The following ELFN2 variants were observed in gnomAD, a reference collection of about 807,000 sequenced individuals.
ELFN2 encodes extracellular leucine rich repeat and fibronectin type III domain containing 2.
ELFN2 carries 17 observed loss-of-function variants against 45.5 expected under a neutral mutation model. The observed-to-expected ratio is 0.37, with a 90% CI of 0.26 to 0.56. The LOEUF is 0.56. ELFN2 is among the 20% of genes least tolerant of loss of function. ELFN2 has a pLI of 0.77. For missense variants in ELFN2, 922 were observed against 1,183.2 expected (o/e 0.78, Z 3.24); for synonymous variants, 550 against 551.5 (o/e 1.00, Z 0.04).
intron 2 of ELFN2, among the ~76,000 whole-genome samples, chr22:37,378,152 C>T (rs375624460): frequency 4.6e-5 from 7 of 152,182 alleles, no homozygotes; most frequent in Admixed American, 1.3e-4. Flanking sequence ...CAAGGATGGG[C>T]GGGCAGGCGC....
At chr22:37,355,972 CA>C (rs1930939479) in intron 1 of ELFN2, among the ~76,000 whole-genome samples, 1 of 152,222 alleles carries the variant, frequency 6.6e-6, no homozygotes, top group Non-Finnish European at 1.5e-5. Context: ...TGTGTTTCAT[CA>C]GGGGGTTGTC....
At position 37,392,056 on chromosome 22, in the gene ELFN2, G is replaced by A. The variant is rs146576847; in HGVS notation, c.-462-16060C>T. On this transcript the variant is annotated intron_variant, in intron 2 of 2. Transcript: ENST00000402918. ...GCAACTCCCCTTTAAAAACTGTAAA[G>A]TGCCATTCATCTTTGTTCTTCCTTC... Among the ~76,000 whole-genome samples, 177 of 152,364 alleles carry A rather than the reference G, an allele frequency of 1.2e-3. 1 individual carries two copies. The highest frequency in any genetic ancestry group is 4.1e-3 in the African/African-American group (172 of 41,582).
At chr22:37,424,353 C>A (rs755200053) in intron 1 of ELFN2, among the ~76,000 whole-genome samples, 5 of 152,180 alleles carry the variant, frequency 3.3e-5, no homozygotes, top group African/African-American at 4.8e-5. Flanking sequence ...CAAAAACAAG[C>A]ATCCTACAAG....
intron 1 of ELFN2, among the ~76,000 whole-genome samples, chr22:37,358,449 C>T (rs1469785324): frequency 6.6e-6 from 1 of 152,260 alleles, no homozygotes; most frequent in Admixed American, 6.5e-5. Context: ...GATTTGTTCT[C>T]TTTCCACTTG....
chr22:37,362,993 G>T (rs1292661590), downstream of ELFN2, among the ~76,000 whole-genome samples: 1 of 152,186 alleles, frequency 6.6e-6, no homozygotes, highest in Admixed American at 6.5e-5. Context: ...TGCAGCTGCT[G>T]TGATCCTGGC....
Position 37,371,362 on chromosome 22 carries a change from G to A in ELFN2, c.*1710C>T, listed in dbSNP as rs1322897963. On this transcript the variant is annotated 3_prime_UTR_variant, in exon 3 of 3. Coordinates refer to ENST00000402918, the MANE Select transcript of ELFN2 (RefSeq NM_052906.5). This position sits in a 1 kb window ranked among gnomAD's most constrained non-coding sequence, Gnocchi z 6.4. ...CACAGGCCCTAGACTGGGGGTCTCTGGCAGGGGCGTGGGGAGAGCCGGGGC... is the reference window on the plus strand; with the variant it reads ...CACAGGCCCTAGACTGGGGGTCTCTAGCAGGGGCGTGGGGAGAGCCGGGGC... 1.3e-5 allele frequency: 2 copies of A among 152,302 alleles called. No individual in the cohort carries two copies. Among genetic ancestry groups the A allele is most frequent in the Non-Finnish European group, 2.9e-5 (2 of 68,090 alleles). 9.4% of individuals were successfully genotyped at this position (152,302 alleles called of 1,614,324 possible). A position where few individuals can be genotyped will look rare whatever the true frequency, so the allele number is the denominator to read the frequency against.
chr22:37,346,536 C>G (rs1232776235), intron 1 of ELFN2, among the ~76,000 whole-genome samples: 1 of 152,142 alleles, frequency 6.6e-6, no homozygotes, highest in Non-Finnish European at 1.5e-5. Flanking sequence ...GATTTCCAAG[C>G]AGTTTGGAGA....
rs73408382 is a variant in ELFN2 at position 37,344,866 on chromosome 22, G to A, written n.149-2163C>T. Among the ~76,000 whole-genome samples, 401 of 152,234 alleles carry A rather than the reference G, an allele frequency of 2.6e-3. 3 individuals are homozygous for A. Among genetic ancestry groups the A allele is most frequent in the African/African-American group, 9.0e-3 (375 of 41,554 alleles). On this transcript the variant is annotated intron_variant and non_coding_transcript_variant, in intron 1 of 2. Transcript: ENST00000452946. ...AGGTGCGCAGGGGGCGCTGAGGGGC[G>A]AGCTCCCCCAATGGGCATCATCATC...
At chr22:37,425,678 T>C (rs1226400585) in intron 1 of ELFN2, among the ~76,000 whole-genome samples, 1 of 152,118 alleles carries the variant, frequency 6.6e-6, no homozygotes, top group African/African-American at 2.4e-5. Context: ...TGCCTAGGCG[T>C]TGATGGCCCA....
At chr22:37,357,505 T>C (rs1358124349) in intron 1 of ELFN2, among the ~76,000 whole-genome samples, 2 of 152,206 alleles carry the variant, frequency 1.3e-5, no homozygotes, top group Non-Finnish European at 2.9e-5. Flanking sequence ...CTGATCATCC[T>C]TTTCTTACTG....
intron 2 of ELFN2, among the ~76,000 whole-genome samples, chr22:37,392,107 G>A (rs1041811309): frequency 3.9e-5 from 6 of 152,070 alleles, no homozygotes; most frequent in Non-Finnish European, 7.4e-5. Context: ...CAGAAGCACC[G>A]TCCATCTTAA....
downstream of ELFN2, among the ~76,000 whole-genome samples, chr22:37,366,611 T>C (rs1011513877): frequency 1.2e-4 from 18 of 152,164 alleles, no homozygotes; most frequent in African/African-American, 2.7e-4. Context: ...CCGGGGACCA[T>C]AGGGCAGCCC....
rs1931562559 is a variant in ELFN2 at position 37,375,776 on chromosome 22, A to C, written c.-242T>G. On this transcript the variant is annotated 5_prime_UTR_variant, in exon 3 of 3. Coordinates refer to ENST00000402918, the MANE Select transcript of ELFN2 (RefSeq NM_052906.5). ...GGCCCCACAGCCTGCTCCCCACCGC[A>C]GCGTTGCTCCTTGTCTCCTGCTAGG... is the stretch of plus-strand genomic sequence containing the variant. The C allele has an allele frequency of 3.6e-6, 2 of 561,240 alleles. No homozygotes were observed. 34.8% of individuals were successfully genotyped at this position (561,240 alleles called of 1,614,324 possible). A position where few individuals can be genotyped will look rare whatever the true frequency, so the allele number is the denominator to read the frequency against.
chr22:37,383,067 T>G (rs1931832929), intron 2 of ELFN2, among the ~76,000 whole-genome samples: 1 of 152,212 alleles, frequency 6.6e-6, no homozygotes. Flanking sequence ...CTGCTCTTCC[T>G]TCGCTGTGGT....
At chr22:37,405,090 AT>A (rs745621772) in intron 2 of ELFN2, among the ~76,000 whole-genome samples, 6,534 of 123,514 alleles carry the variant, frequency 0.053, 97 homozygotes, top group Middle Eastern at 0.087. Flanking sequence ...GAACCTCAGC[AT>A]TTTTTTTTTT....
At chr22:37,406,441 C>T (rs952847588) in intron 2 of ELFN2, among the ~76,000 whole-genome samples, 4 of 152,174 alleles carry the variant, frequency 2.6e-5, no homozygotes, top group South Asian at 2.1e-4. Flanking sequence ...CCCTCCCTGG[C>T]GCTCCCCCAT....
chr22:37,414,517 A>G (rs1932730246), intron 2 of ELFN2, among the ~76,000 whole-genome samples: 1 of 152,170 alleles, frequency 6.6e-6, no homozygotes, highest in Non-Finnish European at 1.5e-5. Flanking sequence ...AAGCCCCCCA[A>G]ACCCCTTGCT....
intron 2 of ELFN2, among the ~76,000 whole-genome samples, chr22:37,415,424 G>A (rs1205841898): frequency 6.6e-6 from 1 of 152,190 alleles, no homozygotes; most frequent in Non-Finnish European, 1.5e-5. Flanking sequence ...ACAGGCCCTG[G>A]GGCAGGCAGG....
chr22:37,394,833 A>C (rs996207273), intron 2 of ELFN2, among the ~76,000 whole-genome samples: 3 of 152,144 alleles, frequency 2.0e-5, no homozygotes, highest in Non-Finnish European at 4.4e-5. Context: ...GGCCAGGCGC[A>C]ATGGCTCACG....
Sources: gnomAD v4.1 joint callset for allele counts (sites outside exome capture counted in the v4.1 genomes callset) on GRCh38, gnomAD v4.1.1 for gene constraint, Gnocchi (gnomAD v3.1) non-coding constraint, MANE v1.5 for transcripts, NCBI Gene and HGNC (gene_info 2026-07-23, HGNC 2026-07-21) for gene names.